TTN: variants seen among roughly 807,000 people sequenced by gnomAD.
TTN encodes connectin.
In TTN, 1,525 loss-of-function variants were observed where a neutral mutation model predicts 3,223.0. The observed-to-expected ratio is 0.47, with a 90% confidence interval of 0.45 to 0.49. The LOEUF (loss-of-function observed/expected upper bound fraction) is 0.49. TTN is among the 20% of genes least tolerant of loss of function. TTN has a pLI of 0.00. For missense variants in TTN, 40,786 were observed against 43,424.0 expected (o/e 0.94, Z 5.40); for synonymous variants, 14,094 against 15,161.0 (o/e 0.93, Z 5.17).
chr2:178,709,575 C>T lies in TTN; in HGVS notation c.28744G>A (p.Val9582Ile), dbSNP rs537805395. The T allele has an allele frequency of 1.4e-5, 23 of 1,604,324 alleles. No homozygotes were observed. The highest frequency in any genetic ancestry group is 3.3e-5 in the South Asian group (3 of 90,756). ...AGSALCTSSI[V>I]IKEPKKPPVF... ...TGTGAGGATAACTCACCTTTGATGA[C>T]GATTGAAGACGTGCACAGAGCAGAG... is the stretch of plus-strand genomic sequence containing the variant. The change falls in exon 99 of 363, where the codon GTC becomes ATC. Residue 9582 changes from valine (V) to isoleucine (I), a missense_variant. Transcript: ENST00000589042.
intron 356 of TTN, 169 bp from the exon 357 acceptor site, chr2:178,536,744 C>CATTGTATTTTTTACATTG: frequency 5.0e-6 from 4 of 794,874 alleles, no homozygotes; most frequent in Non-Finnish European, 7.4e-6. Context: ...AACCAAAGTT[C>CATTGTATTTTTTACATTG]TATTTTTACA....
chr2:178,768,210 A>G, intron 38 of TTN, 55 bp from the exon 39 acceptor site: 2 of 1,572,514 alleles, frequency 1.3e-6, no homozygotes, highest in Non-Finnish European at 1.7e-6. Flanking sequence ...TTGAGATATA[A>G]TTCACATACT....
intron 222 of TTN, 24 bp downstream of exon 222, chr2:178,640,024 G>A (rs1339444971): frequency 6.2e-7 from 1 of 1,610,880 alleles, no homozygotes; most frequent in Non-Finnish European, 8.5e-7. Flanking sequence ...ATATGCTGTT[G>A]ACATTGAGGA....
chr2:178,527,633 G>GGA lies in TTN; in HGVS notation c.107491_107492dup (p.Phe35832ProfsTer13). 6.2e-7 allele frequency: 1 copy of GGA among 1,613,962 alleles called. No individual in the cohort carries two copies. Among genetic ancestry groups the GGA allele is most frequent in the Non-Finnish European group, 8.5e-7 (1 of 1,179,852 alleles). On this transcript the variant is annotated frameshift_variant, in exon 362 of 363. Transcript: ENST00000589042. LOFTEE classifies it high-confidence loss of function. Reference sequence around the variant, plus strand: ...CACTGCTGCTGCTGAAACTGCTGAAGGAGGCCTCCTGCTTGGAGGCAGACA... The same window carrying GGA: ...CACTGCTGCTGCTGAAACTGCTGAAGGAGAGGCCTCCTGCTTGGAGGCAGACA...
intron 121 of TTN, among the ~76,000 whole-genome samples, chr2:178,690,883 CTT>C (rs1560417025): frequency 6.6e-6 from 1 of 152,000 alleles, no homozygotes; most frequent in Non-Finnish European, 1.5e-5. Context: ...ACATATATGA[CTT>C]TGCTGAAAAC....
At position 178,694,606 on chromosome 2, in the gene TTN, T is replaced by G. The variant is rs1160392857; in HGVS notation, c.31419A>C (p.Glu10473Asp). The G allele has an allele frequency of 6.4e-7, 1 of 1,555,590 alleles. No homozygotes were observed. Among genetic ancestry groups the G allele is most frequent in the East Asian group, 2.4e-5 (1 of 41,908 alleles). The change falls in exon 117 of 363, where the codon GAA becomes GAC. Residue 10473 changes from glutamate (E) to aspartate (D), a missense_variant. Transcript: ENST00000589042. ...AAACACAAAGATGTATACCTTTCACTTCAATAACTTCTTCCTGTACTGGAG... is the reference window on the plus strand; with the variant it reads ...AAACACAAAGATGTATACCTTTCACGTCAATAACTTCTTCCTGTACTGGAG... The part of the protein sequence containing the change: ...SRTPVQEEVI[E>D]VKVPAVHTKK...
chr2:178,786,027 T>C lies in TTN; in HGVS notation c.2191A>G (p.Thr731Ala), dbSNP rs2093151548. The C allele has an allele frequency of 1.9e-6, 3 of 1,614,128 alleles. No homozygotes were observed. Among genetic ancestry groups the C allele is most frequent in the Non-Finnish European group, 2.5e-6 (3 of 1,180,006 alleles). The change falls in exon 14 of 363, where the codon ACC (threonine) becomes GCC (alanine). Residue 731 changes from threonine to alanine, a missense_variant. Transcript: ENST00000589042. ...GHLEESYAQQ[T>A]TLEYGYKERI... is the part of the protein sequence containing the mutation. ...TCCTTATATCCGTACTCCAAAGTGG[T>C]CTGCTGAGCATAGGATTCTTCAAGA... is the stretch of plus-strand genomic sequence containing the variant.
intron 40 of TTN, among the ~76,000 whole-genome samples, chr2:178,767,147 T>A (rs2090596552): frequency 6.6e-6 from 1 of 152,202 alleles, no homozygotes. Context: ...AGCCTGGTTT[T>A]CTTTGGATGA....
chr2:178,533,929 A>G lies in TTN; in HGVS notation c.102686T>C (p.Val34229Ala). The change falls in exon 358 of 363, where the codon GTG becomes GCG. Residue 34229 changes from valine (V) to alanine (A), a missense_variant. Physicochemically the swap from Val to Ala is moderately conservative, Grantham distance 64. Coordinates refer to ENST00000589042, the MANE Select transcript of TTN (RefSeq NM_001267550.2). Reference protein sequence around the residue: ...SSYAELFVKGVREVYDYYCRR... With the variant: ...SSYAELFVKGAREVYDYYCRR... ...GCAGTAATAGTCATAGACTTCTCTC[A>G]CACCTTTAACAAATAGCTCTGCATA... 6.2e-7 allele frequency: 1 copy of G among 1,613,742 alleles called. No individual in the cohort carries two copies. Among genetic ancestry groups the G allele is most frequent in the Non-Finnish European group, 8.5e-7 (1 of 1,179,832 alleles).
Position 178,559,593 on chromosome 2 carries a change from C to T in TTN, c.86539G>A (p.Gly28847Ser). 6.2e-7 allele frequency: 1 copy of T among 1,613,756 alleles called. No homozygotes were observed. The highest frequency in any genetic ancestry group is 8.5e-7 in the Non-Finnish European group (1 of 1,179,752). ...TLVVKVLDTPGPPTNITVQDV... is the reference protein window; with the variant it reads ...TLVVKVLDTPSPPTNITVQDV... ...TGCACAGTAATGTTGGTTGGAGGAC[C>T]TGGGGTATCTAAAACTTTGACAACT... Residue 28847 changes from glycine to serine, a missense_variant, in exon 326 of 363, where the codon GGT (glycine) becomes AGT (serine). Coordinates refer to ENST00000589042, the MANE Select transcript of TTN (RefSeq NM_001267550.2).
In TTN at chr2:178,533,259, T is replaced by C; in HGVS notation, c.103356A>G (p.Gln34452=). Residue 34452 remains glutamine (Q), a synonymous_variant, in exon 358 of 363, where the codon CAA becomes CAG. Transcript: ENST00000589042. ...AGSTSCQAHL[Q]VERLRYKKQE... ...GTTTCTTGTACCTCAGGCGTTCCAC[T>C]TGTAGGTGAGCCTGGCAGCTGGTGG... is the stretch of plus-strand genomic sequence containing the variant. The C allele has an allele frequency of 6.2e-7, 1 of 1,613,968 alleles. No homozygotes were observed. Among genetic ancestry groups the C allele is most frequent in the East Asian group, 2.2e-5 (1 of 44,880 alleles).
rs1183767493 is a variant in TTN, at chr2:178,734,469, T to A, written c.15355A>T (p.Lys5119Ter). 6.2e-7 allele frequency: 1 copy of A among 1,613,794 alleles called. No individual in the cohort carries two copies. ...FKDKKQIRSS[K>*]KYRLFSQKSL... ...TTCTGAGAAAACAATCTGTATTTTT[T>A]ACTACTTCGAATTTGTTTCTTGTCT... The change falls in exon 52 of 363, where the codon AAA (lysine) becomes TAA (stop). Residue 5119 changes from lysine to a stop codon, truncating the protein, a stop_gained. Coordinates refer to ENST00000589042, the MANE Select transcript of TTN (RefSeq NM_001267550.2). LOFTEE classifies it high-confidence loss of function.
In TTN at chr2:178,722,010, A is replaced by T. The variant is rs371736246; in HGVS notation, c.22653T>A (p.Asp7551Glu). The change falls in exon 78 of 363, where the codon GAT (aspartate) becomes GAA (glutamate). Residue 7551 changes from aspartate (D) to glutamate (E), a missense_variant. Asp to Glu is a conservative substitution (Grantham distance 45, BLOSUM62 2). Coordinates refer to ENST00000589042, the MANE Select transcript of TTN (RefSeq NM_001267550.2). ...TTCCTCCAGGACGGATCTCCTTGTT[A>T]TCTTTTGACCAAGTGATTCGCATCG... ...AQPMRITWSK[D>E]NKEIRPGGNY... 9.9e-6 allele frequency: 16 copies of T among 1,613,420 alleles called. No homozygotes were observed. Among genetic ancestry groups the T allele is most frequent in the South Asian group, 2.2e-5 (2 of 91,042 alleles).
Position 178,774,675 on chromosome 2 carries a change from A to G in TTN, c.6791-202T>C, listed in dbSNP as rs113010478. The stretch of plus-strand genomic sequence containing the variant: ...TTAATTTTTAAATATTTTTGAAAGT[A>G]AAGAATTATGCTTCAATAAAAAACT... On this transcript the variant is annotated intron_variant, in intron 29 of 362. Transcript: ENST00000589042. 1.6e-3 allele frequency: 1,103 copies of G among 692,418 alleles called. 13 individuals are homozygous for G. In the African/African-American group the frequency reaches 0.018, roughly 11 times the overall value. 42.9% of individuals were successfully genotyped at this position (692,418 alleles called of 1,614,324 possible). A position where few individuals can be genotyped will look rare whatever the true frequency, so the allele number is the denominator to read the frequency against.
chr2:178,587,209 A>G lies in TTN; in HGVS notation c.64002T>C (p.Asn21334=), dbSNP rs765952193. ...CAGCAGTTACTCTGAAGTAATACTC[A>G]TTCCCAGGGACAAGATTGGTTACAT... ...SFHVTNLVPG[N]EYYFRVTAVN... Residue 21334 remains asparagine, a synonymous_variant, in exon 307 of 363, where the codon AAT becomes AAC. Transcript: ENST00000589042. 1.9e-6 allele frequency: 3 copies of G among 1,613,294 alleles called. No individual in the cohort carries two copies. Among genetic ancestry groups the G allele is most frequent in the Non-Finnish European group, 2.5e-6 (3 of 1,179,472 alleles).
chr2:178,684,504 A>G, intron 131 of TTN, 91 bp from the exon 132 acceptor site: 1 of 1,438,656 alleles, frequency 7.0e-7, no homozygotes, highest in Non-Finnish European at 9.6e-7. Context: ...AGAATAGAAG[A>G]ATTTACAAGG....
Position 178,554,902 on chromosome 2 carries a change from C to T in TTN, c.88557G>A (p.Met29519Ile), listed in dbSNP as rs1559234546. 6.2e-7 allele frequency: 1 copy of T among 1,613,872 alleles called. No individual in the cohort carries two copies. The highest frequency in any genetic ancestry group is 8.5e-7 in the Non-Finnish European group (1 of 1,179,840). Reference sequence around the variant, plus strand: ...CTCTGATGGTGGCTGAGGCTGAGCCCATGGCATTCCTTAGTTTTAATTCAT... The same window carrying T: ...CTCTGATGGTGGCTGAGGCTGAGCCTATGGCATTCCTTAGTTTTAATTCAT... The part of the protein sequence containing the change: ...GCYELKLRNA[M>I]GSASATIRVQ... Residue 29519 changes from methionine to isoleucine, a missense_variant, in exon 331 of 363, where the codon ATG becomes ATA. Transcript: ENST00000589042.
rs751627427 is a variant in TTN, at chr2:178,569,329, C to T, written c.76803G>A (p.Thr25601=). ...CTTTCAGGTTAACAGGTGGACTTGG[C>T]GTGTCCAGAACTCTCACAGTAACAA... The part of the protein sequence containing the change: ...SAFVTVRVLD[T]PSPPVNLKVT... The change falls in exon 326 of 363, where the codon ACG becomes ACA. Residue 25601 remains threonine (T), a synonymous_variant. Transcript: ENST00000589042. 1.1e-5 allele frequency: 17 copies of T among 1,612,990 alleles called. No homozygotes were observed. In the Admixed American group the frequency reaches 1.5e-4, roughly 14 times the overall value.
At chr2:178,580,630 A>C (rs777614065) in intron 316 of TTN, 21 bp from the exon 317 acceptor site, 11 of 1,583,308 alleles carry the variant, frequency 6.9e-6, no homozygotes, top group Middle Eastern at 1.7e-4. Flanking sequence ...TTGGGTGAAG[A>C]AGTTAAATAA....
Sources: gnomAD v4.1 joint callset for allele counts (sites outside exome capture counted in the v4.1 genomes callset) on GRCh38, gnomAD v4.1.1 for gene constraint, MANE v1.5 for transcripts, NCBI Gene and HGNC (gene_info 2026-07-23, HGNC 2026-07-21) for gene names.